TECRL: variants seen among roughly 807,000 people sequenced by gnomAD.
TECRL encodes the protein trans-2,3-enoyl-CoA reductase like, also known as trans-2,3-enoyl-CoA reductase-like.
Under a neutral mutation model 52.8 loss-of-function variants are expected in TECRL, and 63 were observed. That is an observed-to-expected ratio of 1.19 (90% confidence interval 0.97 to 1.47). The LOEUF (loss-of-function observed/expected upper bound fraction) is 1.47, where lower values mean the gene tolerates loss of function less well. Among genes scored for constraint, TECRL ranks in the 40% most tolerant of loss-of-function variants. The pLI is 0.00. For synonymous variants in TECRL, 164 were observed against 141.9 expected, an observed-to-expected ratio of 1.16 and a Z score of -1.10; for missense variants, 482 against 429.6, an observed-to-expected ratio of 1.12 and a Z score of -1.08.
intron 2 of TECRL, among the ~76,000 whole-genome samples, chr4:64,357,804 C>T (rs541536291): frequency 2.5e-4 from 38 of 151,274 alleles, no homozygotes; most frequent in East Asian, 1.2e-3. Flanking sequence ...AGATAAATTT[C>T]GATGTTTGAA....
intron 8 of TECRL, among the ~76,000 whole-genome samples, chr4:64,291,437 A>G (rs2109951815): frequency 6.6e-6 from 1 of 152,096 alleles, no homozygotes; most frequent in East Asian, 1.9e-4. Context: ...ACAGCTTGTC[A>G]TATTCGTTTT....
chr4:64,276,720 G>T (rs923901519), downstream of TECRL: 13 of 192,530 alleles, frequency 6.8e-5, no homozygotes, highest in Non-Finnish European at 1.4e-4. Context: ...CCATGAATAT[G>T]TGAGATTATA....
intron 5 of TECRL, among the ~76,000 whole-genome samples, chr4:64,312,811 A>G (rs967840541): frequency 2.0e-5 from 3 of 151,874 alleles, no homozygotes; most frequent in Non-Finnish European, 2.9e-5. Context: ...TTTGAGAATG[A>G]CACTAAAGAA....
At position 64,280,048 on chromosome 4, in the gene TECRL, T is replaced by C; in HGVS notation, c.*24A>G. On this transcript the variant is annotated 3_prime_UTR_variant, in exon 12 of 12. Coordinates refer to ENST00000381210, the MANE Select transcript of TECRL (RefSeq NM_001010874.5). ...TTATTGAATTTATATGTTGCTGTTT[T>C]CTATAGGAGATAAGATTCTTTTTTT... 1.3e-6 allele frequency: 2 copies of C among 1,575,656 alleles called. No homozygotes were observed. Among genetic ancestry groups the C allele is most frequent in the Middle Eastern group, 2.0e-4 (1 of 4,888 alleles).
intron 3 of TECRL, among the ~76,000 whole-genome samples, chr4:64,325,369 C>G (rs1718193837): frequency 6.6e-6 from 1 of 152,138 alleles, no homozygotes; most frequent in African/African-American, 2.4e-5. Context: ...AGGGAACAAG[C>G]ATTTCCAACA....
rs528392806 is a variant in TECRL, at chr4:64,352,270, C to CA, written c.286+22901dup. 2.2e-3 allele frequency among the ~76,000 whole-genome samples: 340 copies of CA among 152,230 alleles called. 1 individual carries two copies. The highest frequency in any genetic ancestry group is 0.01 in the Middle Eastern group (3 of 294). On this transcript the variant is annotated intron_variant, in intron 2 of 11. Transcript: ENST00000381210. Reference sequence around the variant, plus strand: ...AGGCTGTACAAGCACCAAGGCACATCAACAATTTCTCTTGAAGAAACTAGG... The same window carrying CA: ...AGGCTGTACAAGCACCAAGGCACATCAAACAATTTCTCTTGAAGAAACTAGG...
chr4:64,345,907 C>CAAACAAAAAAAAAA (rs1719924134), intron 2 of TECRL, among the ~76,000 whole-genome samples: 1 of 23,350 alleles, frequency 4.3e-5, no homozygotes, highest in African/African-American at 1.9e-4. Context: ...GCCTCAACAG[C>CAAACAAAAAAAAAA]AAAAAAAAAA....
intron 1 of TECRL, among the ~76,000 whole-genome samples, chr4:64,375,516 T>G (rs1253091887): frequency 1.3e-5 from 2 of 152,086 alleles, no homozygotes; most frequent in South Asian, 4.1e-4. Flanking sequence ...AAATAGTCAA[T>G]GTATTTTTCC....
intron 2 of TECRL, among the ~76,000 whole-genome samples, chr4:64,374,310 C>T (rs1423524024): frequency 6.6e-6 from 1 of 151,184 alleles, no homozygotes; most frequent in Admixed American, 6.6e-5. Flanking sequence ...ATTTTAGGTA[C>T]ATTCACCATT....
chr4:64,347,697 G>A (rs536089116), intron 2 of TECRL, among the ~76,000 whole-genome samples: 11 of 152,164 alleles, frequency 7.2e-5, no homozygotes, highest in African/African-American at 2.6e-4. Flanking sequence ...ACTATCATAA[G>A]AACAGCAAGG....
At chr4:64,286,678 A>C (rs562747544) in intron 9 of TECRL, among the ~76,000 whole-genome samples, 1 of 152,232 alleles carries the variant, frequency 6.6e-6, no homozygotes, top group South Asian at 2.1e-4. Context: ...AAGCAAAAAA[A>C]CCATCATTTG....
chr4:64,279,949 T>A lies in TECRL; in HGVS notation c.*123A>T. On this transcript the variant is annotated 3_prime_UTR_variant, in exon 12 of 12. Transcript: ENST00000381210. ...TTAGTGAAATTTTACTATTTTATAT[T>A]TTTACTCAGTGTATATACTGTTGCT... 2 of 1,268,402 alleles carry A rather than the reference T, an allele frequency of 1.6e-6. No homozygotes were observed. Among genetic ancestry groups the A allele is most frequent in the Non-Finnish European group, 2.0e-6 (2 of 998,124 alleles). 78.6% of individuals were successfully genotyped at this position (1,268,402 alleles called of 1,614,324 possible). A position where few individuals can be genotyped will look rare whatever the true frequency, so the allele number is the denominator to read the frequency against.
At chr4:64,284,390 G>A (rs1230267082) in intron 9 of TECRL, among the ~76,000 whole-genome samples, 2 of 151,966 alleles carry the variant, frequency 1.3e-5, no homozygotes, top group Admixed American at 6.6e-5. Context: ...TTTTACCCTC[G>A]TTTCGTGTTC....
chr4:64,333,464 G>A (rs1175685059), intron 2 of TECRL, among the ~76,000 whole-genome samples: 1 of 152,090 alleles, frequency 6.6e-6, no homozygotes, highest in Non-Finnish European at 1.5e-5. Context: ...AAACAATATT[G>A]AGCAAAATTC....
intron 2 of TECRL, among the ~76,000 whole-genome samples, chr4:64,345,916 A>AAAAAAAAAAAAAAAAC (rs1355730756): frequency 1.4e-5 from 2 of 141,228 alleles, no homozygotes; most frequent in Non-Finnish European, 3.0e-5. Context: ...GCAAAAAAAA[A>AAAAAAAAAAAAAAAAC]AAAAAAAAAA....
At chr4:64,303,607 CA>C (rs1216447400) in intron 7 of TECRL, among the ~76,000 whole-genome samples, 1 of 151,690 alleles carries the variant, frequency 6.6e-6, no homozygotes, top group Non-Finnish European at 1.5e-5. Flanking sequence ...AGTGGGAATA[CA>C]AACAGTATAA....
At position 64,374,402 on chromosome 4, in the gene TECRL, T is replaced by C. The variant is rs887326238; in HGVS notation, c.286+770A>G. Among the ~76,000 whole-genome samples, 48 of 151,802 alleles carry C rather than the reference T, an allele frequency of 3.2e-4. 1 individual carries two copies. Among genetic ancestry groups the C allele is most frequent in the Non-Finnish European group, 1.0e-4 (7 of 67,890 alleles). Reference sequence around the variant, plus strand: ...TCTTTTTTAATGTTTTCTTTTTTTTTCCAGAAATTCTTTTTATTATTATTA... The same window carrying C: ...TCTTTTTTAATGTTTTCTTTTTTTTCCCAGAAATTCTTTTTATTATTATTA... On this transcript the variant is annotated intron_variant, in intron 2 of 11. Coordinates refer to ENST00000381210, the MANE Select transcript of TECRL (RefSeq NM_001010874.5).
chr4:64,310,580 C>T (rs1403083830), intron 5 of TECRL, among the ~76,000 whole-genome samples: 1 of 152,090 alleles, frequency 6.6e-6, no homozygotes, highest in African/African-American at 2.4e-5. Context: ...GATTGATTTA[C>T]AGCAGTATAT....
chr4:64,345,907 CA>C (rs777171822), intron 2 of TECRL, among the ~76,000 whole-genome samples: 16 of 23,338 alleles, frequency 6.9e-4, no homozygotes, highest in Admixed American at 2.7e-3. Context: ...GCCTCAACAG[CA>C]AAAAAAAAAA....
Sources: gnomAD v4.1 joint callset for allele counts (sites outside exome capture counted in the v4.1 genomes callset) on GRCh38, gnomAD v4.1.1 for gene constraint, MANE v1.5 for transcripts, NCBI Gene and HGNC (gene_info 2026-07-23, HGNC 2026-07-21) for gene names.